ZCCHC9: variants seen among roughly 807,000 people sequenced by gnomAD.
The protein encoded by ZCCHC9 is zinc finger CCHC domain-containing protein 9.
In ZCCHC9, 18 loss-of-function variants were observed where a neutral mutation model predicts 30.8. The observed-to-expected ratio is 0.58, with a 90% CI of 0.40 to 0.87. The LOEUF (loss-of-function observed/expected upper bound fraction) is 0.87, where lower values mean the gene tolerates loss of function less well. Ranked by LOEUF, ZCCHC9 falls within the 40% of genes least tolerant of loss-of-function variation. ZCCHC9 has a pLI of 0.00. For missense variants in ZCCHC9, 279 were observed against 331.2 expected (o/e 0.84, Z 1.22); for synonymous variants, 94 against 106.7 (o/e 0.88, Z 0.73).
intron 4 of ZCCHC9, among the ~76,000 whole-genome samples, chr5:81,309,862 C>A (rs72771167): frequency 1.3e-5 from 2 of 152,034 alleles, no homozygotes; most frequent in African/African-American, 4.8e-5. Flanking sequence ...TGTATCTTAC[C>A]GTTGGTGGGT....
At position 81,312,586 on chromosome 5, in the gene ZCCHC9, C is replaced by T. The variant is rs1196942988; in HGVS notation, c.740C>T (p.Ala247Val). Residue 247 changes from alanine (A) to valine (V), a missense_variant, in exon 6 of 6, where the codon GCA (alanine) becomes GTA (valine). Coordinates refer to ENST00000407610, the MANE Select transcript of ZCCHC9 (RefSeq NM_001131035.2). Reference sequence around the variant, plus strand: ...GGTCGCTGGGCAAAGGGAATGAGTGCAGACTATGAAGAAATTTTGGATGTA... The same window carrying T: ...GGTCGCTGGGCAAAGGGAATGAGTGTAGACTATGAAGAAATTTTGGATGTA... The part of the protein sequence containing the change: ...TVGRWAKGMS[A>V]DYEEILDVPK... 1 of 1,613,814 alleles carries T rather than the reference C, an allele frequency of 6.2e-7. No homozygotes were observed. The highest frequency in any genetic ancestry group is 8.5e-7 in the Non-Finnish European group (1 of 1,179,858).
chr5:81,302,927 A>G (rs534746061), intron 1 of ZCCHC9: 8 of 152,074 alleles, frequency 5.3e-5, no homozygotes, highest in African/African-American at 1.9e-4. Flanking sequence ...ATTAAAAATA[A>G]GGTAATAACC....
At chr5:81,304,130 T>C (rs933032198) in intron 1 of ZCCHC9, 1 of 152,262 alleles carries the variant, frequency 6.6e-6, no homozygotes, top group Non-Finnish European at 1.5e-5. Context: ...GAATTGAAGA[T>C]GATGTGAAAT....
chr5:81,311,280 G>C lies in ZCCHC9; in HGVS notation c.697+1G>C. ...GATTGCCCTGAAAGTCAGAATTCAGGTGAGATCTCTGGGCCTCTACTTAGA... is the reference window on the plus strand; with the variant it reads ...GATTGCCCTGAAAGTCAGAATTCAGCTGAGATCTCTGGGCCTCTACTTAGA... On this transcript the variant is annotated splice_donor_variant, in intron 5 of 5. Coordinates refer to ENST00000407610, the MANE Select transcript of ZCCHC9 (RefSeq NM_001131035.2). LOFTEE classifies it high-confidence loss of function. 1 of 1,614,032 alleles carries C rather than the reference G, an allele frequency of 6.2e-7. No homozygotes were observed. The highest frequency in any genetic ancestry group is 8.5e-7 in the Non-Finnish European group (1 of 1,179,914).
intron 4 of ZCCHC9, among the ~76,000 whole-genome samples, chr5:81,309,751 C>G (rs142578783): frequency 6.6e-6 from 1 of 152,336 alleles, no homozygotes; most frequent in African/African-American, 2.4e-5. Flanking sequence ...CTACCAAACT[C>G]TGATCTCCGT....
chr5:81,312,477 T>C, intron 5 of ZCCHC9, 67 bp from the exon 6 acceptor site: 8 of 1,275,036 alleles, frequency 6.3e-6, no homozygotes, highest in Non-Finnish European at 5.6e-6. Flanking sequence ...CCCAAACCAA[T>C]AACAATCTGA....
chr5:81,308,345 T>G, intron 2 of ZCCHC9: 1 of 481,466 alleles, frequency 2.1e-6, no homozygotes. Context: ...GATTTATGGA[T>G]TTATTGATTG....
intron 1 of ZCCHC9, 189 bp from the exon 2 acceptor site, chr5:81,304,552 G>A (rs1462628195): frequency 1.4e-5 from 6 of 416,194 alleles, no homozygotes; most frequent in Non-Finnish European, 2.1e-5. Flanking sequence ...TATGTTAGAA[G>A]CATGTCTATG....
intron 2 of ZCCHC9, among the ~76,000 whole-genome samples, chr5:81,306,493 G>A (rs1758087591): frequency 1.3e-5 from 2 of 152,270 alleles, no homozygotes; most frequent in Middle Eastern, 6.8e-3. Context: ...GCGGTATGGT[G>A]AATCACATAC....
chr5:81,307,164 TAAATA>T (rs1425789840), intron 2 of ZCCHC9, among the ~76,000 whole-genome samples: 6 of 152,370 alleles, frequency 3.9e-5, no homozygotes, highest in African/African-American at 7.2e-5. Flanking sequence ...TTTTCCAGTT[TAAATA>T]AAATAGTTTA....
intron 2 of ZCCHC9, 124 bp from the exon 3 acceptor site, chr5:81,308,437 A>G (rs1166990283): frequency 1.6e-6 from 2 of 1,248,090 alleles, no homozygotes; most frequent in Non-Finnish European, 2.1e-6. Context: ...TTCTACAAAT[A>G]TTGAGATTTC....
At chr5:81,308,474 A>ATGTT (rs1758153453) in intron 2 of ZCCHC9, 87 bp from the exon 3 acceptor site, 1 of 1,393,486 alleles carries the variant, frequency 7.2e-7, no homozygotes, top group African/African-American at 1.5e-5. Flanking sequence ...AAGATGAGAA[A>ATGTT]TGTTTTAAAT....
Position 81,304,801 on chromosome 5 carries a change from C to A in ZCCHC9, c.44C>A (p.Pro15His). 1 of 1,611,580 alleles carries A rather than the reference C, an allele frequency of 6.2e-7. No homozygotes were observed. The highest frequency in any genetic ancestry group is 1.7e-5 in the Admixed American group (1 of 59,410). ...ARVSTTYNKR[P>H]LPATSWEDMK... ...GTTAGTACCACATATAACAAGAGAC[C>A]CTTGCCTGCAACATCATGGGAGGAC... The change falls in exon 2 of 6, where the codon CCC becomes CAC. Residue 15 changes from proline to histidine, a missense_variant. Coordinates refer to ENST00000407610, the MANE Select transcript of ZCCHC9 (RefSeq NM_001131035.2).
At chr5:81,305,196 T>G (rs934792926) in intron 2 of ZCCHC9, 55 bp downstream of exon 2, 1 of 1,534,066 alleles carries the variant, frequency 6.5e-7, no homozygotes, top group Middle Eastern at 1.8e-4. Context: ...AAACTATTCT[T>G]ATATTCACAC....
chr5:81,310,545 C>T (rs78985426), intron 4 of ZCCHC9, among the ~76,000 whole-genome samples: 2,088 of 151,964 alleles, frequency 0.014, 36 homozygotes, highest in African/African-American at 0.046. Context: ...CTTAACATTT[C>T]GAGCATGATC....
Position 81,301,603 on chromosome 5 carries a change from C to G in ZCCHC9, c.-113C>G, listed in dbSNP as rs1273832872. ...CTCTCGGGCACTATGTGCTTCCGGTCTCCAATACCGCAGGAGGGCGGTCTT... is the reference window on the plus strand; with the variant it reads ...CTCTCGGGCACTATGTGCTTCCGGTGTCCAATACCGCAGGAGGGCGGTCTT... On this transcript the variant is annotated 5_prime_UTR_variant, in exon 1 of 6. Coordinates refer to ENST00000407610, the MANE Select transcript of ZCCHC9 (RefSeq NM_001131035.2). 1.3e-5 allele frequency: 2 copies of G among 152,322 alleles called. No individual in the cohort carries two copies. Among genetic ancestry groups the G allele is most frequent in the Non-Finnish European group, 2.9e-5 (2 of 68,090 alleles). 9.4% of individuals were successfully genotyped at this position (152,322 alleles called of 1,614,324 possible). A position where few individuals can be genotyped will look rare whatever the true frequency, so the allele number is the denominator to read the frequency against.
intron 2 of ZCCHC9, among the ~76,000 whole-genome samples, chr5:81,306,240 C>T (rs1012002756): frequency 2.0e-5 from 3 of 152,172 alleles, no homozygotes; most frequent in African/African-American, 7.2e-5. Context: ...ATGTAGAGCA[C>T]TGTTTGCACC....
rs779985446 is a variant in ZCCHC9, at chr5:81,311,188, C to T, written c.629-23C>T. On this transcript the variant is annotated intron_variant, in intron 4 of 5. Coordinates refer to ENST00000407610, the MANE Select transcript of ZCCHC9 (RefSeq NM_001131035.2). The stretch of plus-strand genomic sequence containing the variant: ...CCCCTTGCAAGTATGAGATGGTATT[C>T]AGTGGCTTTGCTCTTTCAATAGGTG... The T allele has an allele frequency of 2.5e-6, 4 of 1,613,600 alleles. No individual in the cohort carries two copies. The African/African-American group carries it at 5.3e-5, about 22-fold the overall frequency.
At chr5:81,311,440 A>T (rs1479274887) in intron 5 of ZCCHC9, among the ~76,000 whole-genome samples, 161 bp downstream of exon 5, 1 of 152,206 alleles carries the variant, frequency 6.6e-6, no homozygotes, top group Non-Finnish European at 1.5e-5. Flanking sequence ...ATAGACACAC[A>T]TAGTATTGAG....
Sources: gnomAD v4.1 joint callset for allele counts (sites outside exome capture counted in the v4.1 genomes callset) on GRCh38, gnomAD v4.1.1 for gene constraint, MANE v1.5 for transcripts, NCBI Gene and HGNC (gene_info 2026-07-23, HGNC 2026-07-21) for gene names.